The following ONECUT2 variants were observed in gnomAD, a reference collection of about 807,000 sequenced individuals.
ONECUT2 encodes one cut domain family member 2.
In ONECUT2, 10 loss-of-function variants were observed where a neutral mutation model predicts 27.9. The ratio of observed to expected loss-of-function variants is 0.36; its 90% CI spans 0.22 to 0.61. The LOEUF (loss-of-function observed/expected upper bound fraction) is 0.61, where lower values mean the gene tolerates loss of function less well. Ranked by LOEUF, ONECUT2 falls within the 20% of genes least tolerant of loss-of-function variation. The pLI, the probability that ONECUT2 is intolerant of heterozygous loss-of-function variation, is 0.73. For synonymous variants in ONECUT2, 334 were observed against 315.1 expected, an observed-to-expected ratio of 1.06 and a Z score of -0.64; for missense variants, 686 against 721.0, an observed-to-expected ratio of 0.95 and a Z score of 0.56.
At chr18:57,467,801 G>A (rs988621744) in intron 1 of ONECUT2, among the ~76,000 whole-genome samples, 9 of 152,048 alleles carry the variant, frequency 5.9e-5, no homozygotes, top group Non-Finnish European at 1.0e-4. Context: ...AAGCCTTCCC[G>A]GACTCCGGGC....
intron 1 of ONECUT2, among the ~76,000 whole-genome samples, chr18:57,449,852 G>C (rs927031932): frequency 2.0e-5 from 3 of 152,152 alleles, no homozygotes; most frequent in African/African-American, 4.8e-5. Flanking sequence ...ATTCCTTTCT[G>C]TTTCTTTCTG....
rs1336795700 is a variant in ONECUT2 at position 57,485,758 on chromosome 18, T to C, written c.*9035T>C. 6.6e-6 allele frequency: 1 copy of C among 152,190 alleles called. No homozygotes were observed. The highest frequency in any genetic ancestry group is 6.5e-5 in the Admixed American group (1 of 15,278). The allele number at this position is 152,190 out of a possible 1,614,324, so 9.4% of individuals were successfully genotyped here. On this transcript the variant is annotated 3_prime_UTR_variant, in exon 2 of 2. Coordinates refer to ENST00000491143, the MANE Select transcript of ONECUT2 (RefSeq NM_004852.3). ...CCATGCATCAACAAAGCATAGCTAG[T>C]AGAGGAATATAAATGACAGATTGAC...
chr18:57,453,780 A>C (rs904398308), intron 1 of ONECUT2, among the ~76,000 whole-genome samples: 1 of 152,250 alleles, frequency 6.6e-6, no homozygotes, highest in African/African-American at 2.4e-5. Context: ...AAAGGGGTAG[A>C]ATTCCAACTT....
chr18:57,471,835 G>T (rs76058781), intron 1 of ONECUT2, among the ~76,000 whole-genome samples: 3,265 of 152,222 alleles, frequency 0.021, 119 homozygotes, highest in African/African-American at 0.073. Flanking sequence ...GGAAGCGAGC[G>T]CTTGGCCTTC....
rs567203369 is a variant in ONECUT2 at position 57,472,430 on chromosome 18, C to T, written c.1229-4007C>T. ...CCCTCCTGTTTTTATTTTCCTTTAG[C>T]TCCTGACCAACTGCTTTTGTCAAAA... On this transcript the variant is annotated intron_variant, in intron 1 of 1. Coordinates refer to ENST00000491143, the MANE Select transcript of ONECUT2 (RefSeq NM_004852.3). Among the ~76,000 whole-genome samples, 8 of 152,284 alleles carry T rather than the reference C, an allele frequency of 5.3e-5. No individual in the cohort carries two copies. The South Asian group carries it at 1.7e-3, about 32-fold the overall frequency.
At chr18:57,462,094 T>A (rs910087833) in intron 1 of ONECUT2, among the ~76,000 whole-genome samples, 2 of 152,260 alleles carry the variant, frequency 1.3e-5, no homozygotes, top group African/African-American at 4.8e-5. Flanking sequence ...CTCTTGGTAT[T>A]GACTTTTACA....
chr18:57,435,826 G>C lies in ONECUT2; in HGVS notation c.110G>C (p.Gly37Ala). The change falls in exon 1 of 2, where the codon GGC (glycine) becomes GCC (alanine). Residue 37 changes from glycine (G) to alanine (A), a missense_variant. Transcript: ENST00000491143. ...CTGGGCACTTTGCACGGGCCGGCCG[G>C]CGGCGGCAGTGGCGGGGGCGGCGGC... Reference protein sequence around the residue: ...ESLGTLHGPAGGGSGGGGGGG... With the variant: ...ESLGTLHGPAAGGSGGGGGGG... 1 of 1,115,730 alleles carries C rather than the reference G, an allele frequency of 9.0e-7. No homozygotes were observed. The highest frequency in any genetic ancestry group is 1.1e-6 in the Non-Finnish European group (1 of 897,976). The allele number at this position is 1,115,730 out of a possible 1,614,324, so 69.1% of individuals were successfully genotyped here. A position where few individuals can be genotyped will look rare whatever the true frequency, so the allele number is the denominator to read the frequency against.
At chr18:57,467,948 C>G (rs1598941451) in intron 1 of ONECUT2, among the ~76,000 whole-genome samples, 1 of 152,334 alleles carries the variant, frequency 6.6e-6, no homozygotes, top group Middle Eastern at 3.4e-3. Flanking sequence ...CTTGCTCCGC[C>G]ATTCTCCCGC....
intron 1 of ONECUT2, chr18:57,467,269 G>A (rs911100103): frequency 1.8e-5 from 8 of 437,348 alleles, no homozygotes; most frequent in African/African-American, 1.0e-4. Flanking sequence ...GACCAGCTTC[G>A]ACATCCAAGT....
intron 1 of ONECUT2, among the ~76,000 whole-genome samples, chr18:57,460,616 T>C (rs1425004313): frequency 6.6e-6 from 1 of 151,994 alleles, no homozygotes; most frequent in Non-Finnish European, 1.5e-5. Flanking sequence ...AATTATAGAA[T>C]CAGCTTGAAT....
Position 57,478,145 on chromosome 18 carries a change from G to A in ONECUT2, c.*1422G>A, listed in dbSNP as rs12455210. 79,234 of 152,506 alleles carry A rather than the reference G, an allele frequency of 0.52. 23,253 individuals are homozygous for A. Among genetic ancestry groups the A allele is most frequent in the Non-Finnish European group, 0.68 (45,932 of 67,966 alleles). 9.4% of individuals were successfully genotyped at this position (152,506 alleles called of 1,614,324 possible). On this transcript the variant is annotated 3_prime_UTR_variant, in exon 2 of 2. Coordinates refer to ENST00000491143, the MANE Select transcript of ONECUT2 (RefSeq NM_004852.3). ...CATTTGGCGCATCATCGGGCTGAGCGGACCAGCTACACCAAGGACATTAGC... is the reference window on the plus strand; with the variant it reads ...CATTTGGCGCATCATCGGGCTGAGCAGACCAGCTACACCAAGGACATTAGC...
intron 1 of ONECUT2, among the ~76,000 whole-genome samples, chr18:57,462,978 C>T (rs1329044701): frequency 2.6e-5 from 4 of 152,100 alleles, no homozygotes; most frequent in South Asian, 2.1e-4. Context: ...GTGATCTGCC[C>T]GCCTCGGCCT....
chr18:57,438,818 G>A (rs1172710786), intron 1 of ONECUT2, among the ~76,000 whole-genome samples: 1 of 151,162 alleles, frequency 6.6e-6, no homozygotes, highest in Non-Finnish European at 1.5e-5. Flanking sequence ...GTTGGTTCGG[G>A]GCAAGATAAA....
At position 57,483,061 on chromosome 18, in the gene ONECUT2, C is replaced by T. The variant is rs2050423100; in HGVS notation, c.*6338C>T. The T allele has an allele frequency of 6.6e-6, 1 of 150,554 alleles. No homozygotes were observed. The highest frequency in any genetic ancestry group is 2.1e-4 in the South Asian group (1 of 4,776). The allele number at this position is 150,554 out of a possible 1,614,324, so 9.3% of individuals were successfully genotyped here. The stretch of plus-strand genomic sequence containing the variant: ...ATGATTGATGACTTCGGTTGAATAG[C>T]TTTATTCTGGATTTTTCATAACTAA... On this transcript the variant is annotated 3_prime_UTR_variant, in exon 2 of 2. Transcript: ENST00000491143.
chr18:57,435,694 G>GC lies in ONECUT2; in HGVS notation c.-18dup. 5.1e-6 allele frequency: 2 copies of GC among 392,988 alleles called. No homozygotes were observed. The highest frequency in any genetic ancestry group is 3.9e-6 in the Non-Finnish European group (1 of 257,408). 24.3% of individuals were successfully genotyped at this position (392,988 alleles called of 1,614,324 possible). On this transcript the variant is annotated 5_prime_UTR_variant, in exon 1 of 2. Transcript: ENST00000491143. ...GCCGGCCGCCCCCGCCGCCCCCGCC[G>GC]CCCCCGGGCCCTGATGGACTGAATG...
Position 57,485,468 on chromosome 18 carries a change from T to C in ONECUT2, c.*8745T>C, listed in dbSNP as rs544460056. On this transcript the variant is annotated 3_prime_UTR_variant, in exon 2 of 2. Transcript: ENST00000491143. Reference sequence around the variant, plus strand: ...TTCTTACTCATGAAATTAATTGGTCTTCTTCAAGTTTCTTTAGATTCCATT... The same window carrying C: ...TTCTTACTCATGAAATTAATTGGTCCTCTTCAAGTTTCTTTAGATTCCATT... 2.6e-5 allele frequency: 4 copies of C among 152,236 alleles called. No homozygotes were observed. Among genetic ancestry groups the C allele is most frequent in the Non-Finnish European group, 4.4e-5 (3 of 68,038 alleles). 9.4% of individuals were successfully genotyped at this position (152,236 alleles called of 1,614,324 possible).
intron 1 of ONECUT2, among the ~76,000 whole-genome samples, chr18:57,463,975 T>A (rs2050306470): frequency 6.6e-6 from 1 of 152,000 alleles, no homozygotes; most frequent in Admixed American, 6.5e-5. Context: ...TCTTGAGTTT[T>A]CTAGGTTACA....
At chr18:57,441,696 G>C (rs1370895736) in intron 1 of ONECUT2, among the ~76,000 whole-genome samples, 1 of 152,252 alleles carries the variant, frequency 6.6e-6, no homozygotes, top group Admixed American at 6.5e-5. Context: ...AAAATGACGT[G>C]GCTAAAGCTG....
intron 1 of ONECUT2, among the ~76,000 whole-genome samples, chr18:57,452,410 G>GTATTTTATTT (rs59877360): frequency 0.018 from 2,785 of 150,984 alleles, 96 homozygotes; most frequent in African/African-American, 0.059. Flanking sequence ...AGCTCAACCT[G>GTATTTTATTT]TATTTTATTT....
Sources: gnomAD v4.1 joint callset for allele counts (sites outside exome capture counted in the v4.1 genomes callset) on GRCh38, gnomAD v4.1.1 for gene constraint, MANE v1.5 for transcripts, NCBI Gene and HGNC (gene_info 2026-07-23, HGNC 2026-07-21) for gene names.